Variants in TSHR observed in about 807,000 individuals in gnomAD.
The protein encoded by TSHR is thyroid stimulating hormone receptor, also known as thyrotropin receptor.
In TSHR, 51 loss-of-function variants were observed where a neutral mutation model predicts 64.1. The observed-to-expected ratio is 0.80, with a 90% CI of 0.64 to 1.01. TSHR has a LOEUF of 1.01. Among genes scored for constraint, TSHR ranks in the 50% least tolerant of loss-of-function variants. The probability of loss-of-function intolerance (pLI) is 0.00; values close to 1 mark genes in which losing one functional copy is unlikely to be tolerated. For synonymous variants in TSHR, 361 were observed against 361.9 expected (o/e 1.00, Z 0.03); for missense variants, 877 against 942.8 (o/e 0.93, Z 0.91).
intron 1 of TSHR, chr14:80,993,219 C>T (rs1365951878): frequency 1.3e-5 from 2 of 152,122 alleles, no homozygotes; most frequent in African/African-American, 4.8e-5. Context: ...GTAAGAAGAA[C>T]TGTTCTAAAG....
chr14:81,015,497 AT>A (rs1248212005), intron 1 of TSHR, among the ~76,000 whole-genome samples: 1 of 152,144 alleles, frequency 6.6e-6, no homozygotes, highest in Non-Finnish European at 1.5e-5. Flanking sequence ...AAAATTTTTA[AT>A]TTTTTAAATT....
chr14:81,100,711 A>C (rs1889523114), intron 7 of TSHR, among the ~76,000 whole-genome samples: 1 of 152,200 alleles, frequency 6.6e-6, no homozygotes, highest in Admixed American at 6.5e-5. Flanking sequence ...ACTTTAAAGG[A>C]TATTACAAAG....
At chr14:81,091,957 A>G (rs1356618657) in intron 5 of TSHR, among the ~76,000 whole-genome samples, 1 of 152,270 alleles carries the variant, frequency 6.6e-6, no homozygotes, top group Non-Finnish European at 1.5e-5. Context: ...AGCAAAATGT[A>G]GAATGATAAG....
chr14:81,125,882 C>T (rs992252858), intron 8 of TSHR, among the ~76,000 whole-genome samples: 6 of 151,772 alleles, frequency 4.0e-5, no homozygotes, highest in African/African-American at 1.5e-4. Context: ...GCTCACATCT[C>T]CAGAGGCACA....
chr14:81,107,898 A>G (rs1889997493), intron 7 of TSHR, among the ~76,000 whole-genome samples: 1 of 152,188 alleles, frequency 6.6e-6, no homozygotes, highest in Non-Finnish European at 1.5e-5. Flanking sequence ...TGACAACTTT[A>G]CCCAAAGAAA....
chr14:81,108,830 T>C, intron 8 of TSHR: 1 of 1,520,586 alleles, frequency 6.6e-7, no homozygotes, highest in Non-Finnish European at 8.8e-7. Flanking sequence ...TGAATGTACA[T>C]TGCACAATGC....
chr14:81,143,311 G>C lies in TSHR; in HGVS notation c.1253G>C (p.Arg418Thr). 6.2e-7 allele frequency: 1 copy of C among 1,614,180 alleles called. No homozygotes were observed. The highest frequency in any genetic ancestry group is 8.5e-7 in the Non-Finnish European group (1 of 1,180,048). Residue 418 changes from arginine (R) to threonine (T), a missense_variant, in exon 10 of 10, where the codon AGA becomes ACA. Physicochemically the swap from Arg to Thr is moderately conservative, Grantham distance 71. Coordinates refer to ENST00000298171, the MANE Select transcript of TSHR (RefSeq NM_000369.5). ...CEDIMGYKFL[R>T]IVVWFVSLLA... ...GACATAATGGGCTACAAGTTCCTGA[G>C]AATTGTGGTGTGGTTCGTTAGTCTG...
At chr14:80,984,088 C>T (rs1404011863) in intron 1 of TSHR, among the ~76,000 whole-genome samples, 1 of 151,164 alleles carries the variant, frequency 6.6e-6, no homozygotes, top group Non-Finnish European at 1.5e-5. Flanking sequence ...TGTGAGTGTG[C>T]ACGTGTATAC....
intron 1 of TSHR, among the ~76,000 whole-genome samples, chr14:80,984,173 T>C (rs1260572650): frequency 1.3e-5 from 2 of 152,210 alleles, no homozygotes; most frequent in African/African-American, 4.8e-5. Context: ...GAGAAACTAC[T>C]CTTTTTCTCC....
At chr14:81,043,952 C>T (rs1193546295) in intron 1 of TSHR, among the ~76,000 whole-genome samples, 1 of 152,184 alleles carries the variant, frequency 6.6e-6, no homozygotes, top group African/African-American at 2.4e-5. Context: ...GGATTAAAGA[C>T]TTAAATGTAA....
intron 8 of TSHR, among the ~76,000 whole-genome samples, chr14:81,123,933 A>G (rs996372302): frequency 9.2e-5 from 14 of 152,146 alleles, no homozygotes; most frequent in African/African-American, 3.4e-4. Flanking sequence ...TTGAAAGAGA[A>G]GTGCTTGGTG....
chr14:80,978,338 C>T (rs1887997573), intron 1 of TSHR, among the ~76,000 whole-genome samples: 1 of 152,192 alleles, frequency 6.6e-6, no homozygotes, highest in Admixed American at 6.5e-5. Flanking sequence ...CCTCATTTTA[C>T]CTCCTGCTTT....
At chr14:80,983,425 C>A in intron 1 of TSHR, 1 of 1,242,428 alleles carries the variant, frequency 8.0e-7, no homozygotes, top group South Asian at 1.6e-5. Flanking sequence ...AATCCAACTG[C>A]AGCCAGAGAC....
At chr14:80,977,014 T>C (rs959690007) in intron 1 of TSHR, among the ~76,000 whole-genome samples, 11 of 152,254 alleles carry the variant, frequency 7.2e-5, no homozygotes, top group African/African-American at 1.7e-4. Context: ...CGGTTGTGCC[T>C]TTGGTAGGCT....
At chr14:80,993,500 T>G (rs533557367) in intron 1 of TSHR, 1 of 152,324 alleles carries the variant, frequency 6.6e-6, no homozygotes, top group East Asian at 1.9e-4. Context: ...CATTATATAC[T>G]CCTATCAGTA....
At chr14:81,091,192 C>A in intron 5 of TSHR, 49 bp downstream of exon 5, 1 of 1,495,952 alleles carries the variant, frequency 6.7e-7, no homozygotes, top group Non-Finnish European at 9.3e-7. Context: ...TTGTCACTGA[C>A]AAGAACTAGA....
intron 1 of TSHR, among the ~76,000 whole-genome samples, chr14:81,046,517 A>G (rs1043788218): frequency 6.6e-6 from 1 of 152,016 alleles, no homozygotes; most frequent in Non-Finnish European, 1.5e-5. Flanking sequence ...ATATAAAAAA[A>G]AAACAAAAAA....
intron 3 of TSHR, among the ~76,000 whole-genome samples, chr14:81,071,601 C>CA (rs542727504): frequency 2.6e-4 from 38 of 148,656 alleles, no homozygotes; most frequent in African/African-American, 3.7e-4. Context: ...TTGTCTCTAC[C>CA]AAAAAAAAAA....
chr14:81,027,031 C>A (rs1594969493), intron 1 of TSHR, among the ~76,000 whole-genome samples: 1 of 124,542 alleles, frequency 8.0e-6, no homozygotes. Flanking sequence ...AGTGAAACTC[C>A]ATCTCAAAAA....
Sources: gnomAD v4.1 joint callset for allele counts (sites outside exome capture counted in the v4.1 genomes callset) on GRCh38, gnomAD v4.1.1 for gene constraint, MANE v1.5 for transcripts, NCBI Gene and HGNC (gene_info 2026-07-23, HGNC 2026-07-21) for gene names.